The following CNTNAP2 variants were observed in gnomAD, a reference collection of about 807,000 sequenced individuals.
CNTNAP2 encodes the protein contactin-associated protein-like 2.
A neutral mutation model predicts 155.2 loss-of-function variants in CNTNAP2; 98 were observed. The observed-to-expected ratio is 0.63, with a 90% CI of 0.54 to 0.75. The LOEUF (loss-of-function observed/expected upper bound fraction) is 0.75, where lower values mean the gene tolerates loss of function less well. Among genes scored for constraint, CNTNAP2 ranks in the 30% least tolerant of loss-of-function variants. The pLI is 0.00. For missense variants in CNTNAP2, 1,727 were observed against 1,688.1 expected (o/e 1.02, Z -0.40); for synonymous variants, 651 against 631.2 (o/e 1.03, Z -0.47).
chr7:146,917,421 T>C lies in CNTNAP2; in HGVS notation c.402+77517T>C, dbSNP rs143731511. Reference sequence around the variant, plus strand: ...AGTGGAGTATTGAGGTCCCCCAGTATTATTGTGTTGCTGTCAATCTCATTT... The same window carrying C: ...AGTGGAGTATTGAGGTCCCCCAGTACTATTGTGTTGCTGTCAATCTCATTT... On this transcript the variant is annotated intron_variant, in intron 3 of 23. Transcript: ENST00000361727. Among the ~76,000 whole-genome samples the C allele has an allele frequency of 2.6e-5, 4 of 152,306 alleles. No homozygotes were observed. The East Asian group carries it at 7.7e-4, about 29-fold the overall frequency.
intron 1 of CNTNAP2, among the ~76,000 whole-genome samples, chr7:146,530,679 T>A (rs1797757360): frequency 6.6e-6 from 1 of 152,138 alleles, no homozygotes; most frequent in African/African-American, 2.4e-5. Context: ...TGAGATACCA[T>A]CTCACATCAG....
At chr7:147,510,615 A>G (rs1382028135) in intron 11 of CNTNAP2, among the ~76,000 whole-genome samples, 1 of 151,836 alleles carries the variant, frequency 6.6e-6, no homozygotes, top group East Asian at 1.9e-4. Flanking sequence ...AACCAATGCC[A>G]TACAAAATAG....
intron 3 of CNTNAP2, among the ~76,000 whole-genome samples, chr7:146,886,937 G>A (rs951594182): frequency 2.6e-5 from 4 of 151,512 alleles, no homozygotes; most frequent in East Asian, 1.9e-4. Flanking sequence ...AGTGAGTGAC[G>A]TCTGCCCTGC....
At chr7:147,513,005 G>A (rs1272545453) in intron 11 of CNTNAP2, among the ~76,000 whole-genome samples, 1 of 151,964 alleles carries the variant, frequency 6.6e-6, no homozygotes, top group Non-Finnish European at 1.5e-5. Flanking sequence ...AAAATACCTG[G>A]TTGAAAATAT....
intron 11 of CNTNAP2, among the ~76,000 whole-genome samples, chr7:147,490,980 C>A (rs138744411): frequency 6.6e-6 from 1 of 152,134 alleles, no homozygotes; most frequent in African/African-American, 2.4e-5. Context: ...GGAGGAACTT[C>A]GCCCATGATC....
intron 8 of CNTNAP2, among the ~76,000 whole-genome samples, chr7:147,224,295 A>G (rs1437865825): frequency 6.6e-6 from 1 of 152,190 alleles, no homozygotes; most frequent in Non-Finnish European, 1.5e-5. Flanking sequence ...TTTTTCAAGT[A>G]TGGCTTTACA....
intron 1 of CNTNAP2, among the ~76,000 whole-genome samples, chr7:146,544,593 C>T (rs1465751035): frequency 6.6e-6 from 1 of 151,608 alleles, no homozygotes; most frequent in African/African-American, 2.4e-5. Context: ...GCATCCTCAC[C>T]CCCATGAGGA....
chr7:147,245,234 G>T (rs1804030413), intron 8 of CNTNAP2, among the ~76,000 whole-genome samples: 1 of 152,052 alleles, frequency 6.6e-6, no homozygotes. Context: ...GCCATTAAAT[G>T]AGAGGAAAAT....
intron 23 of CNTNAP2, among the ~76,000 whole-genome samples, chr7:148,411,672 A>G (rs924699778): frequency 6.6e-6 from 1 of 151,800 alleles, no homozygotes; most frequent in African/African-American, 2.4e-5. Context: ...TCACTTTATC[A>G]TTTGCCATCA....
intron 3 of CNTNAP2, among the ~76,000 whole-genome samples, chr7:146,903,921 T>A (rs540919100): frequency 6.6e-6 from 1 of 152,360 alleles, no homozygotes; most frequent in East Asian, 1.9e-4. Flanking sequence ...ATATGTTAAT[T>A]TGAGTTTTTC....
chr7:146,726,492 A>C lies in CNTNAP2; in HGVS notation c.98-47779A>C, dbSNP rs73740828. On this transcript the variant is annotated intron_variant, in intron 1 of 23. Coordinates refer to ENST00000361727, the MANE Select transcript of CNTNAP2 (RefSeq NM_014141.6). ...GCCATTCAATTTTCAATTGTATAACAAGTGTTTGCTAAGCAATTACGTAAA... is the reference window on the plus strand; with the variant it reads ...GCCATTCAATTTTCAATTGTATAACCAGTGTTTGCTAAGCAATTACGTAAA... 9.8e-3 allele frequency among the ~76,000 whole-genome samples: 1,488 copies of C among 152,264 alleles called. 29 individuals are homozygous for C. The highest frequency in any genetic ancestry group is 0.034 in the African/African-American group (1,417 of 41,556).
In CNTNAP2 at chr7:147,108,306, C is replaced by T. The variant is rs1380169950; in HGVS notation, c.710C>T (p.Thr237Ile). ...HGEGQQGDYITLELKKAKLVL... is the reference protein window; with the variant it reads ...HGEGQQGDYIILELKKAKLVL... ...GAAGGACAGCAAGGAGATTACATTA[C>T]CTTGGAACTGAAAAAAGCCAAGCTG... Residue 237 changes from threonine (T) to isoleucine (I), a missense_variant, in exon 5 of 24, where the codon ACC becomes ATC. Physicochemically the swap from Thr to Ile is moderately conservative, Grantham distance 89 (BLOSUM62 -1). Coordinates refer to ENST00000361727, the MANE Select transcript of CNTNAP2 (RefSeq NM_014141.6). 2 of 1,613,584 alleles carry T rather than the reference C, an allele frequency of 1.2e-6. No individual in the cohort carries two copies. Among genetic ancestry groups the T allele is most frequent in the South Asian group, 2.2e-5 (2 of 91,068 alleles).
intron 9 of CNTNAP2, among the ~76,000 whole-genome samples, chr7:147,378,446 A>T (rs982389453): frequency 6.6e-6 from 1 of 152,104 alleles, no homozygotes; most frequent in African/African-American, 2.4e-5. Context: ...AGATCTTGTC[A>T]TTTGCAACTA....
At chr7:148,090,933 T>C (rs1248059591) in intron 15 of CNTNAP2, among the ~76,000 whole-genome samples, 2 of 152,128 alleles carry the variant, frequency 1.3e-5, no homozygotes, top group Non-Finnish European at 2.9e-5. Context: ...CATATGGATG[T>C]ACCTGGAGAC....
At position 146,808,247 on chromosome 7, in the gene CNTNAP2, G is replaced by A. The variant is rs1042328273; in HGVS notation, c.209-31464G>A. Among the ~76,000 whole-genome samples, 8 of 152,094 alleles carry A rather than the reference G, an allele frequency of 5.3e-5. No individual in the cohort carries two copies. The South Asian group carries it at 1.5e-3, about 28-fold the overall frequency. ...ACAAAATTAAACCCCAAAGACAATAGCATTATATGTTTCAAATAATTCTTC... is the reference window on the plus strand; with the variant it reads ...ACAAAATTAAACCCCAAAGACAATAACATTATATGTTTCAAATAATTCTTC... On this transcript the variant is annotated intron_variant, in intron 2 of 23. Coordinates refer to ENST00000361727, the MANE Select transcript of CNTNAP2 (RefSeq NM_014141.6).
intron 1 of CNTNAP2, among the ~76,000 whole-genome samples, chr7:146,586,712 T>A (rs988532982): frequency 2.0e-5 from 3 of 152,250 alleles, no homozygotes; most frequent in Non-Finnish European, 4.4e-5. Context: ...GTTTGGTAAC[T>A]TTAAGGACCT....
intron 1 of CNTNAP2, among the ~76,000 whole-genome samples, chr7:146,732,706 A>G (rs1453428072): frequency 1.3e-5 from 2 of 152,108 alleles, no homozygotes; most frequent in African/African-American, 4.8e-5. Context: ...CCCCATAGAT[A>G]ACAAGATTCA....
At chr7:148,179,673 G>A (rs1035930989) in intron 18 of CNTNAP2, among the ~76,000 whole-genome samples, 1 of 150,338 alleles carries the variant, frequency 6.7e-6, no homozygotes, top group Admixed American at 6.7e-5. Context: ...ACAAGAGAGA[G>A]AAGAGAAAGA....
At chr7:148,163,038 T>A (rs1805580372) in intron 17 of CNTNAP2, among the ~76,000 whole-genome samples, 1 of 152,150 alleles carries the variant, frequency 6.6e-6, no homozygotes, top group Non-Finnish European at 1.5e-5. Context: ...TGGCAGGTGG[T>A]AAATGTCTTG....
Sources: allele counts gnomAD v4.1 joint callset (sites outside exome capture counted in the v4.1 genomes callset), GRCh38; gene constraint gnomAD v4.1.1; transcripts MANE v1.5; gene names NCBI Gene and HGNC (gene_info 2026-07-23, HGNC 2026-07-21).